The following VGLL4 variants were observed in gnomAD, a reference collection of about 807,000 sequenced individuals.
VGLL4 encodes vestigial like family member 4, also known as transcription cofactor vestigial-like protein 4.
A neutral mutation model predicts 21.0 loss-of-function variants in VGLL4; 7 were observed. That is an observed-to-expected ratio of 0.33 (90% CI 0.19 to 0.63). The LOEUF is 0.63. VGLL4 is among the 20% of genes least tolerant of loss of function. The probability of loss-of-function intolerance (pLI) is 0.78; values close to 1 mark genes in which losing one functional copy is unlikely to be tolerated. For synonymous variants in VGLL4, 222 were observed against 173.2 expected (o/e 1.28, Z -2.21); for missense variants, 394 against 425.7 (o/e 0.93, Z 0.66).
Position 11,557,959 on chromosome 3 carries a change from A to C in VGLL4, c.*597T>G, listed in dbSNP as rs1364799141. On this transcript the variant is annotated 3_prime_UTR_variant, in exon 5 of 5. Transcript: ENST00000430365. Reference sequence around the variant, plus strand: ...AAAAACAAAAACAGTAACAACAACAAACACACAAATGGTCAGAAATGTCAT... The same window carrying C: ...AAAAACAAAAACAGTAACAACAACACACACACAAATGGTCAGAAATGTCAT... 2 of 153,998 alleles carry C rather than the reference A, an allele frequency of 1.3e-5. No individual in the cohort carries two copies. The highest frequency in any genetic ancestry group is 2.9e-5 in the Non-Finnish European group (2 of 69,074). The allele number at this position is 153,998 out of a possible 1,614,324, so 9.5% of individuals were successfully genotyped here.
rs1559846820 is a variant in VGLL4 at position 11,557,667 on chromosome 3, A to G, written c.*889T>C. 6.5e-6 allele frequency: 1 copy of G among 152,848 alleles called. No homozygotes were observed. The highest frequency in any genetic ancestry group is 1.9e-4 in the East Asian group (1 of 5,344). The allele number at this position is 152,848 out of a possible 1,614,324, so 9.5% of individuals were successfully genotyped here. On this transcript the variant is annotated 3_prime_UTR_variant, in exon 5 of 5. Transcript: ENST00000430365. Reference sequence around the variant, plus strand: ...AAAATAAACTAATTCTGAAAAGAAGATAGTAAGTATTAAGGTTTTTGTTTA... The same window carrying G: ...AAAATAAACTAATTCTGAAAAGAAGGTAGTAAGTATTAAGGTTTTTGTTTA...
At chr3:11,608,657 T>C (rs1453197254) in intron 1 of VGLL4, among the ~76,000 whole-genome samples, 1 of 152,178 alleles carries the variant, frequency 6.6e-6, no homozygotes, top group African/African-American at 2.4e-5. Context: ...CCGTGGAAAA[T>C]GTAACCCCAC....
At chr3:11,634,979 A>C (rs1371455434) in intron 1 of VGLL4, among the ~76,000 whole-genome samples, 1 of 152,202 alleles carries the variant, frequency 6.6e-6, no homozygotes, top group Non-Finnish European at 1.5e-5. Flanking sequence ...GCCAGGACTC[A>C]GTATTTGAGC....
chr3:11,679,328 G>A (rs9817712), intron 2 of VGLL4, among the ~76,000 whole-genome samples: 80,182 of 151,632 alleles, frequency 0.53, 22,244 homozygotes, highest in Non-Finnish European at 0.63. Flanking sequence ...GCGTGTGTTT[G>A]TGCCTGAGTT....
At chr3:11,678,427 G>C (rs974046330) in intron 2 of VGLL4, among the ~76,000 whole-genome samples, 1 of 152,212 alleles carries the variant, frequency 6.6e-6, no homozygotes, top group African/African-American at 2.4e-5. Context: ...TAGTGTCATG[G>C]TATTTTCCCT....
At chr3:11,680,237 G>A (rs772553604) in intron 2 of VGLL4, among the ~76,000 whole-genome samples, 2 of 152,116 alleles carry the variant, frequency 1.3e-5, no homozygotes, top group African/African-American at 2.4e-5. Flanking sequence ...TGCGATGTTC[G>A]CAGATGACAC....
At chr3:11,590,660 AAGAGTGT>A (rs1559884189) in intron 2 of VGLL4, among the ~76,000 whole-genome samples, 1 of 121,592 alleles carries the variant, frequency 8.2e-6, no homozygotes, top group Non-Finnish European at 1.7e-5. Flanking sequence ...TTTCAAAATG[AAGAGTGT>A]GTGTGTGTGT....
intron 2 of VGLL4, among the ~76,000 whole-genome samples, chr3:11,585,446 AGAG>A (rs1282860069): frequency 2.1e-5 from 3 of 140,366 alleles, no homozygotes; most frequent in African/African-American, 9.1e-5. Context: ...AAAAAAAAAA[AGAG>A]AGAGAGAGAG....
At chr3:11,585,785 C>T (rs925878377) in intron 2 of VGLL4, among the ~76,000 whole-genome samples, 19 of 152,232 alleles carry the variant, frequency 1.2e-4, no homozygotes, top group African/African-American at 4.3e-4. Flanking sequence ...TCTGCCTCCT[C>T]CAACAGCTCT....
Position 11,700,653 on chromosome 3 carries a change from G to A in VGLL4, c.64+2318C>T, listed in dbSNP as rs115777227. On this transcript the variant is annotated intron_variant, in intron 2 of 5. Transcript: ENST00000273038. ...TTGCTTAGGTACCACATTTTAGGAG[G>A]GGCACTGCCAAGCCTGGGTAGGTGA... Among the ~76,000 whole-genome samples the A allele has an allele frequency of 9.5e-3, 1,453 of 152,272 alleles. 20 individuals are homozygous for A. The highest frequency in any genetic ancestry group is 0.031 in the African/African-American group (1,270 of 41,538).
At chr3:11,636,988 T>C (rs545701483) in intron 1 of VGLL4, among the ~76,000 whole-genome samples, 6 of 151,186 alleles carry the variant, frequency 4.0e-5, no homozygotes, top group African/African-American at 1.5e-4. Flanking sequence ...TCAGGATGTG[T>C]GCACTACTTT....
At position 11,558,656 on chromosome 3, in the gene VGLL4, C is replaced by T. The variant is rs531116584; in HGVS notation, c.791G>A (p.Gly264Glu). ...TWLQIKAAKDGASSSPESASR... is the reference protein window; with the variant it reads ...TWLQIKAAKDEASSSPESASR... ...GGCGGACTCAGGGCTGCTGGATGCT[C>T]CGTCCTTGGCCGCTTTGATCTGGAG... The change falls in exon 5 of 5, where the codon GGA becomes GAA. Residue 264 changes from glycine to glutamate, a missense_variant. Gly to Glu is a moderately conservative substitution (Grantham distance 98). Transcript: ENST00000430365. The T allele has an allele frequency of 1.3e-5, 21 of 1,612,558 alleles. No homozygotes were observed. In the South Asian group the frequency reaches 2.1e-4, roughly 16 times the overall value.
chr3:11,569,867 C>A (rs911749780), intron 2 of VGLL4, among the ~76,000 whole-genome samples: 1 of 152,262 alleles, frequency 6.6e-6, no homozygotes, highest in African/African-American at 2.4e-5. Context: ...GGTGACAGAG[C>A]AAGACCCTGT....
At chr3:11,575,086 G>A (rs181260655) in intron 2 of VGLL4, among the ~76,000 whole-genome samples, 3 of 152,192 alleles carry the variant, frequency 2.0e-5, no homozygotes, top group East Asian at 1.9e-4. Flanking sequence ...ACTTTACACC[G>A]AGGAAAAGTG....
intron 2 of VGLL4, chr3:11,702,928 C>T: frequency 2.6e-6 from 4 of 1,561,680 alleles, no homozygotes; most frequent in Non-Finnish European, 3.5e-6. Context: ...GACAAGGGAT[C>T]ATTAAAGCAC....
At position 11,565,784 on chromosome 3, in the gene VGLL4, T is replaced by C. The variant is rs1280470606; in HGVS notation, c.273-765A>G. ...GACAGTCAGCACCACCTCCATCTGA[T>C]GTGTTAGTCTGAAGGCAGCGTTACG... On this transcript the variant is annotated intron_variant, in intron 2 of 4. Coordinates refer to ENST00000430365, the MANE Select transcript of VGLL4 (RefSeq NM_001128219.3). The surrounding 1 kb of genome is among the most constrained non-coding windows in gnomAD (Gnocchi z 4.1). 6.6e-6 allele frequency among the ~76,000 whole-genome samples: 1 copy of C among 152,178 alleles called. No homozygotes were observed. Among genetic ancestry groups the C allele is most frequent in the Non-Finnish European group, 1.5e-5 (1 of 68,036 alleles).
chr3:11,585,445 AAG>A (rs200204453), intron 2 of VGLL4, among the ~76,000 whole-genome samples: 6 of 151,096 alleles, frequency 4.0e-5, no homozygotes, highest in Non-Finnish European at 1.5e-5. Context: ...AAAAAAAAAA[AAG>A]AGAGAGAGAG....
intron 1 of VGLL4, among the ~76,000 whole-genome samples, chr3:11,717,392 C>T (rs2124835990): frequency 6.6e-6 from 1 of 151,002 alleles, no homozygotes; most frequent in South Asian, 2.1e-4. Flanking sequence ...CTAGAAGAGA[C>T]ACGAAATAAA....
At chr3:11,701,592 G>A (rs977746761) in intron 2 of VGLL4, among the ~76,000 whole-genome samples, 10 of 152,142 alleles carry the variant, frequency 6.6e-5, no homozygotes, top group Admixed American at 1.3e-4. Context: ...CAGTACACAC[G>A]ACAGCCCGTT....
Sources: gnomAD v4.1 joint callset for allele counts (sites outside exome capture counted in the v4.1 genomes callset) on GRCh38, gnomAD v4.1.1 for gene constraint, Gnocchi (gnomAD v3.1) non-coding constraint, MANE v1.5 for transcripts, NCBI Gene and HGNC (gene_info 2026-07-23, HGNC 2026-07-21) for gene names.